The following TMEM117 variants were observed in gnomAD, a reference collection of about 807,000 sequenced individuals.
TMEM117 encodes the protein transmembrane protein 117.
In TMEM117, 27 loss-of-function variants were observed where a neutral mutation model predicts 52.4. The ratio of observed to expected loss-of-function variants is 0.51; its 90% CI spans 0.38 to 0.71. The LOEUF is 0.71. Ranked by LOEUF, TMEM117 falls within the 30% of genes least tolerant of loss-of-function variation. The pLI, the probability that TMEM117 is intolerant of heterozygous loss-of-function variation, is 0.00. For missense variants in TMEM117, 556 were observed against 630.5 expected (o/e 0.88, Z 1.26); for synonymous variants, 215 against 206.3 (o/e 1.04, Z -0.36).
intron 6 of TMEM117, among the ~76,000 whole-genome samples, chr12:44,338,713 T>C (rs1249076062): frequency 6.6e-6 from 1 of 152,110 alleles, no homozygotes; most frequent in Non-Finnish European, 1.5e-5. Flanking sequence ...TACACACACA[T>C]ATTCAAAAAC....
chr12:44,382,308 T>C (rs924244923), intron 7 of TMEM117, among the ~76,000 whole-genome samples: 1 of 152,216 alleles, frequency 6.6e-6, no homozygotes, highest in African/African-American at 2.4e-5. Context: ...ACTCGAAATA[T>C]ATAATTATTC....
chr12:44,050,542 A>G (rs1483115158), intron 3 of TMEM117, among the ~76,000 whole-genome samples: 1 of 152,142 alleles, frequency 6.6e-6, no homozygotes, highest in African/African-American at 2.4e-5. Flanking sequence ...AGGCACTGAG[A>G]AGTTGATATG....
rs566630429 is a variant in TMEM117 at position 43,866,841 on chromosome 12, A to C, written c.277+21913A>C. On this transcript the variant is annotated intron_variant, in intron 2 of 7. Transcript: ENST00000266534. The stretch of plus-strand genomic sequence containing the variant: ...CGCGGTGGCTTACGCCTGTAATCCC[A>C]ACACTTTGGGAGGCTGAGGCGGGTG... Among the ~76,000 whole-genome samples the C allele has an allele frequency of 2.0e-5, 3 of 152,352 alleles. No individual in the cohort carries two copies. The South Asian group carries it at 6.2e-4, about 32-fold the overall frequency.
At chr12:44,383,386 G>A (rs138638616) in intron 7 of TMEM117, among the ~76,000 whole-genome samples, 1 of 151,978 alleles carries the variant, frequency 6.6e-6, no homozygotes, top group Non-Finnish European at 1.5e-5. Flanking sequence ...CTTTTAAAAT[G>A]ATCTATCCTC....
intron 3 of TMEM117, among the ~76,000 whole-genome samples, chr12:44,066,036 A>G (rs921921446): frequency 1.3e-5 from 2 of 152,176 alleles, no homozygotes; most frequent in Non-Finnish European, 2.9e-5. Context: ...GTGCAAGAAA[A>G]TTTATGGACA....
At chr12:44,066,168 T>C (rs545331860) in intron 3 of TMEM117, among the ~76,000 whole-genome samples, 10 of 152,332 alleles carry the variant, frequency 6.6e-5, no homozygotes, top group African/African-American at 2.4e-4. Context: ...GGTTACAGTC[T>C]GTTTACACAT....
At chr12:43,805,675 T>A in the TMEM117 span, 1 of 738,274 alleles carries the variant, frequency 1.4e-6, no homozygotes, top group Non-Finnish European at 2.1e-6. Flanking sequence ...ACACTCGAGA[T>A]TTCTCAGAAC....
the TMEM117 span, chr12:43,802,210 C>T: frequency 3.1e-6 from 3 of 977,250 alleles, no homozygotes; most frequent in Non-Finnish European, 4.4e-6. Context: ...TGTTTTTTAA[C>T]CTTTATTTGA....
At chr12:43,878,423 C>A (rs1450861819) in intron 2 of TMEM117, among the ~76,000 whole-genome samples, 1 of 151,886 alleles carries the variant, frequency 6.6e-6, no homozygotes, top group Non-Finnish European at 1.5e-5. Context: ...TGTCAAACAA[C>A]CAATTTTTTT....
intron 2 of TMEM117, among the ~76,000 whole-genome samples, chr12:43,871,104 T>G (rs567566448): frequency 1.6e-4 from 23 of 147,516 alleles, no homozygotes; most frequent in Admixed American, 1.3e-3. Context: ...TTTTTTTTTT[T>G]TTGTTTGTTT....
the TMEM117 span, among the ~76,000 whole-genome samples, chr12:43,806,928 T>C: frequency 1.3e-5 from 2 of 152,350 alleles, no homozygotes; most frequent in Middle Eastern, 3.4e-3. Context: ...GATTTGAGTA[T>C]CCCTCTGTGG....
At chr12:43,999,506 G>A (rs759601528) in intron 3 of TMEM117, among the ~76,000 whole-genome samples, 2 of 152,184 alleles carry the variant, frequency 1.3e-5, no homozygotes, top group Non-Finnish European at 2.9e-5. Flanking sequence ...TTGAGACAGA[G>A]TCTGGCTGTG....
At chr12:44,084,569 TC>T (rs948921993) in intron 3 of TMEM117, among the ~76,000 whole-genome samples, 7 of 152,306 alleles carry the variant, frequency 4.6e-5, no homozygotes, top group Admixed American at 4.6e-4. Flanking sequence ...TGTCTTTCAT[TC>T]TTTCCCTCAT....
rs1051269336 is a variant in TMEM117 at position 43,992,985 on chromosome 12, A to C, written c.410+48643A>C. Among the ~76,000 whole-genome samples the C allele has an allele frequency of 2.0e-5, 3 of 152,238 alleles. No homozygotes were observed. In the South Asian group the frequency reaches 6.2e-4, roughly 32 times the overall value. ...TACTCACTAAATATATATTGAATGA[A>C]TAACAATACACAGCAGTGTGGAACA... On this transcript the variant is annotated intron_variant, in intron 3 of 7. Coordinates refer to ENST00000266534, the MANE Select transcript of TMEM117 (RefSeq NM_032256.3).
chr12:44,103,702 A>C (rs1196324677), intron 3 of TMEM117, among the ~76,000 whole-genome samples: 1 of 151,996 alleles, frequency 6.6e-6, no homozygotes, highest in Non-Finnish European at 1.5e-5. Context: ...TGCTACTGGA[A>C]TCCACACAAC....
chr12:43,826,214 G>T, the TMEM117 span, among the ~76,000 whole-genome samples: 1 of 152,188 alleles, frequency 6.6e-6, no homozygotes, highest in African/African-American at 2.4e-5. Context: ...GTCTACCTTG[G>T]CTTTCTAAGG....
chr12:43,844,779 A>G lies in TMEM117; in HGVS notation c.128A>G (p.Asn43Ser), dbSNP rs760932715. The G allele has an allele frequency of 1.9e-6, 3 of 1,614,166 alleles. No homozygotes were observed. The highest frequency in any genetic ancestry group is 2.5e-6 in the Non-Finnish European group (3 of 1,180,032). Residue 43 changes from asparagine (N) to serine (S), a missense_variant, in exon 2 of 8, where the codon AAT becomes AGT. Asn to Ser is a conservative substitution (Grantham distance 46). Around this residue, in one of 3 missense-constraint regions of TMEM117, gnomAD observed 328 missense variants for 371.4 expected, o/e 0.88. Coordinates refer to ENST00000266534, the MANE Select transcript of TMEM117 (RefSeq NM_032256.3). ...DPVSHSQTEA[N>S]VIVVGNCFSF... is the part of the protein sequence containing the mutation. The stretch of plus-strand genomic sequence containing the variant: ...GTTTCTCATAGCCAAACAGAAGCCA[A>G]TGTTATTGTTGTTGGAAACTGTTTT...
chr12:43,913,883 G>A (rs1944556885), intron 2 of TMEM117, among the ~76,000 whole-genome samples: 1 of 152,136 alleles, frequency 6.6e-6, no homozygotes, highest in Non-Finnish European at 1.5e-5. Flanking sequence ...TATTACACGT[G>A]ACCAAATATT....
chr12:44,249,435 A>G (rs1255141982), intron 5 of TMEM117, among the ~76,000 whole-genome samples: 1 of 152,174 alleles, frequency 6.6e-6, no homozygotes, highest in Non-Finnish European at 1.5e-5. Context: ...TTATAGATTC[A>G]ATGCTACTGC....
Sources: allele counts gnomAD v4.1 joint callset (sites outside exome capture counted in the v4.1 genomes callset), GRCh38; gene constraint gnomAD v4.1.1; regional missense constraint gnomAD v4.1.1; transcripts MANE v1.5; gene names NCBI Gene and HGNC (gene_info 2026-07-23, HGNC 2026-07-21).